The following GOLGA1 variants were observed in gnomAD, a reference collection of about 807,000 sequenced individuals.
GOLGA1 encodes the protein golgin A1.
GOLGA1 carries 63 observed loss-of-function variants against 119.7 expected under a neutral mutation model. The ratio of observed to expected loss-of-function variants is 0.53; its 90% CI spans 0.43 to 0.65. GOLGA1 has a LOEUF of 0.65. Ranked by LOEUF, GOLGA1 falls within the 30% of genes least tolerant of loss-of-function variation. GOLGA1 has a pLI of 0.00. For synonymous variants in GOLGA1, 318 were observed against 333.4 expected (o/e 0.95, Z 0.50); for missense variants, 798 against 912.8 (o/e 0.87, Z 1.62).
chr9:124,916,871 G>GACAC (rs1169720795), intron 10 of GOLGA1, among the ~76,000 whole-genome samples: 829 of 62,540 alleles, frequency 0.013, 16 homozygotes, highest in Non-Finnish European at 0.016. Flanking sequence ...GTGAGACCCT[G>GACAC]ACACACAAAA....
In GOLGA1 at chr9:124,915,742, G is replaced by A. The variant is rs374082851; in HGVS notation, c.844-3716C>T. Reference sequence around the variant, plus strand: ...TGAGGTTGCAGTGAGCCAACATCGCGCCACTGCACTCCAGCCTGGGCATCA... The same window carrying A: ...TGAGGTTGCAGTGAGCCAACATCGCACCACTGCACTCCAGCCTGGGCATCA... On this transcript the variant is annotated intron_variant, in intron 10 of 22. Transcript: ENST00000373555. 6.1e-4 allele frequency among the ~76,000 whole-genome samples: 92 copies of A among 150,486 alleles called. No individual in the cohort carries two copies. In the South Asian group the frequency reaches 0.018, roughly 30 times the overall value.
intron 6 of GOLGA1, 125 bp downstream of exon 6, chr9:124,928,063 G>A (rs1270370892): frequency 2.9e-5 from 15 of 513,148 alleles, no homozygotes; most frequent in Admixed American, 2.0e-4. Flanking sequence ...AAACCTTAAC[G>A]AACTTTTAAC....
rs772703682 is a variant in GOLGA1 at position 124,928,190 on chromosome 9, G to T, written c.397C>A (p.Gln133Lys). 12 of 1,495,030 alleles carry T rather than the reference G, an allele frequency of 8.0e-6. No homozygotes were observed. In the South Asian group the frequency reaches 1.0e-4, roughly 13 times the overall value. The allele number at this position is 1,495,030 out of a possible 1,614,324, so 92.6% of individuals were successfully genotyped here. The change falls in exon 6 of 23, where the codon CAG (glutamine) becomes AAG (lysine). Residue 133 changes from glutamine (Q) to lysine (K), a missense_variant and splice_region_variant. By Grantham distance (53) the Gln-to-Lys change is moderately conservative (BLOSUM62 1). Transcript: ENST00000373555. ...GLALALARKD[Q>K]EWSEKMDQLE... ...GGGCAGTGCCACATATAAAATACCTGGTCCTTTCTGGCTAATGCCAAAGCC... is the reference window on the plus strand; with the variant it reads ...GGGCAGTGCCACATATAAAATACCTTGTCCTTTCTGGCTAATGCCAAAGCC...
upstream of GOLGA1, chr9:124,944,300 CTTTTTTT>C: frequency 7.3e-6 from 1 of 136,462 alleles, no homozygotes; most frequent in East Asian, 2.1e-4. Context: ...ATAAAAATTC[CTTTTTTT>C]TTTTTTTTTG....
rs1564333818 is a variant in GOLGA1, at chr9:124,908,421, CT to C, written c.1020del (p.Ala341ProfsTer16). On this transcript the variant is annotated frameshift_variant, in exon 12 of 23. Transcript: ENST00000373555. LOFTEE classifies it high-confidence loss of function. ...NLEDTRQQLLAARSSQAKAIN... is the reference protein window; with the variant it reads ...NLEDTRQQLLXARSSQAKAIN... ...ATGGCCTTAGCCTGGCTGCTTCTGG[CT>C]GCCAAGAGCTGTTGTCTGGTATCCT... The C allele has an allele frequency of 6.2e-7, 1 of 1,611,652 alleles. No individual in the cohort carries two copies. Among genetic ancestry groups the C allele is most frequent in the Non-Finnish European group, 8.5e-7 (1 of 1,177,694 alleles).
chr9:124,882,075 GGGAA>G (rs1264865934), intron 20 of GOLGA1, 121 bp from the exon 21 acceptor site: 1 of 692,020 alleles, frequency 1.4e-6, no homozygotes. Flanking sequence ...GGCCCCACCT[GGGAA>G]GGAAGCACCT....
intron 12 of GOLGA1, among the ~76,000 whole-genome samples, chr9:124,900,964 C>A (rs1177484458): frequency 6.6e-6 from 1 of 151,196 alleles, no homozygotes; most frequent in Non-Finnish European, 1.5e-5. Flanking sequence ...AACATCTTCA[C>A]ACAGTATTTT....
Position 124,879,627 on chromosome 9 carries a change from C to G in GOLGA1, c.*903G>C, listed in dbSNP as rs922506561. 1.3e-5 allele frequency: 2 copies of G among 151,338 alleles called. No homozygotes were observed. Among genetic ancestry groups the G allele is most frequent in the African/African-American group, 4.9e-5 (2 of 41,080 alleles). The allele number at this position is 151,338 out of a possible 1,614,324, so 9.4% of individuals were successfully genotyped here. On this transcript the variant is annotated 3_prime_UTR_variant, in exon 23 of 23. Coordinates refer to ENST00000373555, the MANE Select transcript of GOLGA1 (RefSeq NM_002077.4). Reference sequence around the variant, plus strand: ...AAGCACACGAGATCCCACTGCACTTCAGAGGGAGCAGTGCCAGAGTGCGAG... The same window carrying G: ...AAGCACACGAGATCCCACTGCACTTGAGAGGGAGCAGTGCCAGAGTGCGAG...
At chr9:124,939,718 A>G (rs1830962455) in intron 2 of GOLGA1, among the ~76,000 whole-genome samples, 1 of 151,644 alleles carries the variant, frequency 6.6e-6, no homozygotes, top group South Asian at 2.1e-4. Context: ...ATGCGCCACT[A>G]TGCCCGGCTT....
intron 7 of GOLGA1, among the ~76,000 whole-genome samples, chr9:124,925,803 T>C (rs1238561283): frequency 6.6e-6 from 1 of 152,156 alleles, no homozygotes; most frequent in Non-Finnish European, 1.5e-5. Flanking sequence ...GGAAAAAAAA[T>C]AGTTGACACT....
chr9:124,899,235 G>A, intron 14 of GOLGA1, 94 bp downstream of exon 14: 1 of 1,182,794 alleles, frequency 8.5e-7, no homozygotes, highest in Non-Finnish European at 1.2e-6. Context: ...GTTTCCTAGT[G>A]CAGAGGTGGT....
chr9:124,919,700 C>T (rs1830522947), intron 10 of GOLGA1, among the ~76,000 whole-genome samples: 1 of 152,048 alleles, frequency 6.6e-6, no homozygotes, highest in South Asian at 2.1e-4. Flanking sequence ...CACTTGAGAT[C>T]AGCAATTCTG....
At chr9:124,947,727 CAAAT>C (rs1464346297) in intron 1 of GOLGA1, 2 of 152,098 alleles carry the variant, frequency 1.3e-5, no homozygotes, top group African/African-American at 2.4e-5. Flanking sequence ...ATAAGAATTT[CAAAT>C]AAATAAGGTC....
chr9:124,900,079 C>A, intron 13 of GOLGA1: 1 of 202,832 alleles, frequency 4.9e-6, no homozygotes, highest in Non-Finnish European at 1.0e-5. Flanking sequence ...TAACTCCACA[C>A]CACGCTTGGC....
chr9:124,896,890 C>T lies in GOLGA1; in HGVS notation c.1407+1659G>A, dbSNP rs142697949. Among the ~76,000 whole-genome samples the T allele has an allele frequency of 9.8e-3, 1,484 of 152,070 alleles. 19 individuals carry two copies. The highest frequency in any genetic ancestry group is 0.034 in the African/African-American group (1,413 of 41,480). Reference sequence around the variant, plus strand: ...GAGGCTGCAGTGAGCTGTGATCACACCACTGCACTCCAGCCTGGGCAACAG... The same window carrying T: ...GAGGCTGCAGTGAGCTGTGATCACATCACTGCACTCCAGCCTGGGCAACAG... On this transcript the variant is annotated intron_variant, in intron 15 of 22. Transcript: ENST00000373555.
At chr9:124,921,602 G>A in intron 9 of GOLGA1, 121 bp downstream of exon 9, 4 of 809,408 alleles carry the variant, frequency 4.9e-6, no homozygotes, top group Admixed American at 2.3e-5. Flanking sequence ...GATGTGTCCA[G>A]AAGCCTTTGC....
upstream of GOLGA1, among the ~76,000 whole-genome samples, chr9:124,941,904 G>C (rs1396649300): frequency 1.3e-5 from 2 of 151,914 alleles, no homozygotes; most frequent in Non-Finnish European, 2.9e-5. Context: ...ACCGTGGCGA[G>C]ACTCCGTCTC....
In GOLGA1 at chr9:124,899,519, G is replaced by A. The variant is rs369786114; in HGVS notation, c.1162-41C>T. ...AGGACGGTCAGTCAGGGTGACAATG[G>A]TTTCCAGTGGGGGATCTTAGTCTGG... On this transcript the variant is annotated intron_variant, in intron 13 of 22. Transcript: ENST00000373555. 87 of 1,529,066 alleles carry A rather than the reference G, an allele frequency of 5.7e-5. No individual in the cohort carries two copies. The African/African-American group carries it at 1.1e-3, about 19-fold the overall frequency. 94.7% of individuals were successfully genotyped at this position (1,529,066 alleles called of 1,614,324 possible). A position where few individuals can be genotyped will look rare whatever the true frequency, so the allele number is the denominator to read the frequency against.
In GOLGA1 at chr9:124,906,159, C is replaced by A. The variant is rs187683768; in HGVS notation, c.1065+2218G>T. On this transcript the variant is annotated intron_variant, in intron 12 of 22. Transcript: ENST00000373555. ...AATAAATAAATAAATAAGGGCCTGG[C>A]GCAGTGGGTCATGCCTATAATCCTA... Among the ~76,000 whole-genome samples, 55 of 117,878 alleles carry A rather than the reference C, an allele frequency of 4.7e-4. 1 individual carries two copies. In the East Asian group the frequency reaches 0.017, roughly 36 times the overall value. The allele number at this position is 117,878 out of a possible 152,430, so 77.3% of individuals were successfully genotyped here.
Sources: gnomAD v4.1 joint callset for allele counts (sites outside exome capture counted in the v4.1 genomes callset) on GRCh38, gnomAD v4.1.1 for gene constraint, MANE v1.5 for transcripts, NCBI Gene and HGNC (gene_info 2026-07-23, HGNC 2026-07-21) for gene names.